CCDC141: variants seen among roughly 807,000 people sequenced by gnomAD.
The protein encoded by CCDC141 is coiled-coil domain-containing protein 141.
A neutral mutation model predicts 181.0 loss-of-function variants in CCDC141; 168 were observed. That is an observed-to-expected ratio of 0.93 (90% CI 0.82 to 1.05). The LOEUF (loss-of-function observed/expected upper bound fraction) is 1.05. Among genes scored for constraint, CCDC141 ranks in the 50% least tolerant of loss-of-function variants. The probability of loss-of-function intolerance (pLI) is 0.00; values close to 1 mark genes in which losing one functional copy is unlikely to be tolerated. For missense variants in CCDC141, 1,902 were observed against 1,788.5 expected (o/e 1.06, Z -1.14); for synonymous variants, 666 against 642.3 (o/e 1.04, Z -0.56).
chr2:178,984,519 G>A, intron 2 of CCDC141, among the ~76,000 whole-genome samples: 1 of 151,810 alleles, frequency 6.6e-6, no homozygotes, highest in Non-Finnish European at 1.5e-5. Context: ...ACACAGACTG[G>A]CAAATTGGAT....
intron 7 of CCDC141, among the ~76,000 whole-genome samples, chr2:178,909,436 G>C (rs1208861228): frequency 6.6e-6 from 1 of 152,100 alleles, no homozygotes; most frequent in Non-Finnish European, 1.5e-5. Flanking sequence ...TGGTACGATG[G>C]GCTGGATACT....
intron 4 of CCDC141, among the ~76,000 whole-genome samples, chr2:178,968,749 G>T (rs978034018): frequency 6.6e-6 from 1 of 152,076 alleles, no homozygotes. Flanking sequence ...GAGCAGAACT[G>T]AAGGAGATAG....
chr2:179,008,142 T>C (rs1254892033), intron 2 of CCDC141, among the ~76,000 whole-genome samples: 1 of 152,240 alleles, frequency 6.6e-6, no homozygotes, highest in Non-Finnish European at 1.5e-5. Flanking sequence ...AGATAGGCTT[T>C]AGGCTATATG....
At chr2:179,007,785 G>A (rs1358492100) in intron 2 of CCDC141, among the ~76,000 whole-genome samples, 1 of 152,130 alleles carries the variant, frequency 6.6e-6, no homozygotes, top group Non-Finnish European at 1.5e-5. Context: ...AAATATGTTT[G>A]AAATAAACAA....
chr2:178,859,703 T>A (rs527883703), intron 17 of CCDC141, among the ~76,000 whole-genome samples: 10 of 152,354 alleles, frequency 6.6e-5, no homozygotes, highest in African/African-American at 2.4e-4. Context: ...TGAGTTAACA[T>A]AGCTATAATT....
chr2:178,992,929 G>A (rs1692125827), intron 2 of CCDC141, among the ~76,000 whole-genome samples: 1 of 152,250 alleles, frequency 6.6e-6, no homozygotes, highest in East Asian at 1.9e-4. Flanking sequence ...ACCATGTGAG[G>A]AAGGATGTGT....
chr2:178,839,917 C>T (rs902975855), intron 22 of CCDC141, among the ~76,000 whole-genome samples: 3 of 152,190 alleles, frequency 2.0e-5, no homozygotes, highest in Admixed American at 6.5e-5. Context: ...TGATTAACCA[C>T]CTATTCAGTC....
chr2:178,920,675 G>C (rs978440382), intron 6 of CCDC141, among the ~76,000 whole-genome samples: 5 of 149,894 alleles, frequency 3.3e-5, no homozygotes, highest in African/African-American at 1.2e-4. Context: ...AGTGAATTGT[G>C]ATCATGTCAC....
chr2:178,979,168 TTAAGA>T (rs1691255564), intron 2 of CCDC141, among the ~76,000 whole-genome samples: 1 of 152,128 alleles, frequency 6.6e-6, no homozygotes, highest in South Asian at 2.1e-4. Context: ...AATTTAAAAA[TTAAGA>T]TATCTATAAC....
chr2:178,976,889 T>C (rs944328322), intron 3 of CCDC141, among the ~76,000 whole-genome samples: 5 of 152,232 alleles, frequency 3.3e-5, no homozygotes, highest in African/African-American at 1.2e-4. Flanking sequence ...CTTATATTTA[T>C]ATTTCAGCTT....
At position 178,833,656 on chromosome 2, in the gene CCDC141, C is replaced by T. The variant is rs16866553; in HGVS notation, c.*517G>A. 0.01 allele frequency: 1,609 copies of T among 154,856 alleles called. 37 individuals are homozygous for T. The highest frequency in any genetic ancestry group is 0.036 in the African/African-American group (1,510 of 41,522). The allele number at this position is 154,856 out of a possible 1,614,324, so 9.6% of individuals were successfully genotyped here. ...TCATCAGACTCAGGAACGTAGTCTA[C>T]GTTGAAATTACACAGAATGCATTTC... On this transcript the variant is annotated 3_prime_UTR_variant, in exon 24 of 24. Coordinates refer to ENST00000443758, the MANE Select transcript of CCDC141 (RefSeq NM_173648.4).
intron 12 of CCDC141, chr2:178,874,443 TTAGATA>T (rs2154369473): frequency 6.6e-6 from 1 of 152,320 alleles, no homozygotes; most frequent in Admixed American, 6.5e-5. Context: ...CTAAGTTTAT[TTAGATA>T]TAGATACAAA....
chr2:178,882,341 C>T (rs142556838), intron 11 of CCDC141, among the ~76,000 whole-genome samples: 9,183 of 152,034 alleles, frequency 0.06, 361 homozygotes, highest in Non-Finnish European at 0.092. Flanking sequence ...TGCACTCCAG[C>T]GTGGGCAACA....
chr2:178,920,155 C>G (rs926471209), intron 6 of CCDC141, among the ~76,000 whole-genome samples: 1 of 152,138 alleles, frequency 6.6e-6, no homozygotes, highest in Non-Finnish European at 1.5e-5. Context: ...TCCATATAAG[C>G]TGCGGTTGAG....
chr2:178,828,542 T>C (rs1684158492), downstream of CCDC141, among the ~76,000 whole-genome samples: 1 of 152,216 alleles, frequency 6.6e-6, no homozygotes. Context: ...AGGCACCTTC[T>C]GGAGCTGCAT....
chr2:178,982,888 AG>A (rs1261812399), intron 2 of CCDC141, among the ~76,000 whole-genome samples: 1 of 152,118 alleles, frequency 6.6e-6, no homozygotes, highest in Non-Finnish European at 1.5e-5. Context: ...AGGCTGGGGG[AG>A]GGGCTCCCAC....
chr2:178,976,512 G>A (rs1214898030), intron 3 of CCDC141, among the ~76,000 whole-genome samples: 1 of 152,178 alleles, frequency 6.6e-6, no homozygotes, highest in Non-Finnish European at 1.5e-5. Flanking sequence ...GAAGGCCTCT[G>A]TCATCCTATT....
intron 8 of CCDC141, among the ~76,000 whole-genome samples, chr2:178,899,953 T>C (rs1687606091): frequency 6.6e-6 from 1 of 152,170 alleles, no homozygotes; most frequent in African/African-American, 2.4e-5. Context: ...ATGGCTCTAG[T>C]TTGCAACTGA....
At chr2:179,048,626 G>C (rs1170102331) in intron 1 of CCDC141, among the ~76,000 whole-genome samples, 1 of 152,134 alleles carries the variant, frequency 6.6e-6, no homozygotes, top group East Asian at 1.9e-4. Flanking sequence ...TTAACTCAAA[G>C]TATCATTAAT....
Sources: allele counts gnomAD v4.1 joint callset (sites outside exome capture counted in the v4.1 genomes callset), GRCh38; gene constraint gnomAD v4.1.1; transcripts MANE v1.5; gene names NCBI Gene and HGNC (gene_info 2026-07-23, HGNC 2026-07-21).